NBEAL1: variants seen among roughly 807,000 people sequenced by gnomAD.
NBEAL1 encodes neurobeachin-like protein 1.
Under a neutral mutation model 351.3 loss-of-function variants are expected in NBEAL1, and 273 were observed. The ratio of observed to expected loss-of-function variants is 0.78; its 90% confidence interval spans 0.70 to 0.86. The LOEUF is 0.86. NBEAL1 is among the 40% of genes least tolerant of loss of function. The pLI is 0.00. For missense variants in NBEAL1, 2,961 were observed against 3,201.3 expected (o/e 0.92, Z 1.81); for synonymous variants, 1,050 against 1,086.4 (o/e 0.97, Z 0.66).
intron 2 of NBEAL1, among the ~76,000 whole-genome samples, chr2:203,039,609 G>C (rs1312753971): frequency 2.0e-5 from 3 of 152,086 alleles, no homozygotes; most frequent in Non-Finnish European, 4.4e-5. Flanking sequence ...GGCCAGGCTC[G>C]TCTCAAACCC....
At chr2:203,073,034 GC>G (rs1312185654) in intron 7 of NBEAL1, among the ~76,000 whole-genome samples, 1 of 152,114 alleles carries the variant, frequency 6.6e-6, no homozygotes, top group Non-Finnish European at 1.5e-5. Flanking sequence ...ACATTCACCA[GC>G]AGATCTGGAC....
chr2:203,049,696 C>A, intron 3 of NBEAL1, 118 bp from the exon 4 acceptor site: 1 of 820,846 alleles, frequency 1.2e-6, no homozygotes, highest in South Asian at 2.0e-5. Context: ...CACAGAGTAT[C>A]TGGAATAAAT....
rs1260236833 is a variant in NBEAL1, at chr2:203,122,284, T to C, written c.2623T>C (p.Ser875Pro). Reference sequence around the variant, plus strand: ...CAAAAATTCAATCTGTCTTGATTTATCTACTAATTGTTTGCATGGAAGATT... The same window carrying C: ...CAAAAATTCAATCTGTCTTGATTTACCTACTAATTGTTTGCATGGAAGATT... ...ACKNSICLDL[S>P]TNCLHGRLTG... The change falls in exon 19 of 56, where the codon TCT (serine) becomes CCT (proline). Residue 875 changes from serine to proline, a missense_variant. By Grantham distance (74) the Ser-to-Pro change is moderately conservative. Transcript: ENST00000683969. The C allele has an allele frequency of 6.5e-7, 1 of 1,544,328 alleles. No homozygotes were observed. The highest frequency in any genetic ancestry group is 2.0e-5 in the Admixed American group (1 of 49,162).
At chr2:203,065,437 A>C (rs1197460026) in intron 6 of NBEAL1, among the ~76,000 whole-genome samples, 2 of 152,132 alleles carry the variant, frequency 1.3e-5, no homozygotes, top group Non-Finnish European at 2.9e-5. Flanking sequence ...ATTATGTCCT[A>C]GGTATGATGT....
intron 42 of NBEAL1, among the ~76,000 whole-genome samples, chr2:203,178,702 CAGAT>C: frequency 1.3e-5 from 2 of 152,192 alleles, no homozygotes; most frequent in Admixed American, 1.3e-4. Flanking sequence ...CCAAAATACA[CAGAT>C]AGTCAGAATA....
rs1051974882 is a variant in NBEAL1 at position 203,217,922 on chromosome 2, G to A, written c.*568G>A. 2.2e-5 allele frequency: 21 copies of A among 969,702 alleles called. No homozygotes were observed. In the South Asian group the frequency reaches 2.4e-4, roughly 11 times the overall value. 60.1% of individuals were successfully genotyped at this position (969,702 alleles called of 1,614,324 possible). A position where few individuals can be genotyped will look rare whatever the true frequency, so the allele number is the denominator to read the frequency against. On this transcript the variant is annotated 3_prime_UTR_variant, in exon 56 of 56. Transcript: ENST00000683969. ...TTAGCTAATTCTATTACTACTTAGC[G>A]TGTTTCTAATGAGAAGTTACTGAAA...
At chr2:203,206,694 T>G (rs1209877022) in intron 51 of NBEAL1, among the ~76,000 whole-genome samples, 2 of 152,046 alleles carry the variant, frequency 1.3e-5, no homozygotes, top group African/African-American at 4.8e-5. Flanking sequence ...GTGCCGGGAT[T>G]GCAGACGGAG....
intron 35 of NBEAL1, among the ~76,000 whole-genome samples, chr2:203,154,547 G>A (rs796072623): frequency 6.6e-6 from 1 of 152,042 alleles, no homozygotes; most frequent in Non-Finnish European, 1.5e-5. Context: ...CATTGCAGAT[G>A]TATAGAATAG....
At chr2:203,051,916 T>C (rs1212770464) in intron 4 of NBEAL1, among the ~76,000 whole-genome samples, 3 of 152,180 alleles carry the variant, frequency 2.0e-5, no homozygotes, top group African/African-American at 7.2e-5. Context: ...TTTATATAAA[T>C]CTAGAATTCC....
intron 4 of NBEAL1, among the ~76,000 whole-genome samples, chr2:203,053,852 C>T (rs932708792): frequency 3.3e-5 from 5 of 151,990 alleles, no homozygotes; most frequent in Non-Finnish European, 5.9e-5. Context: ...TGATAGTCTG[C>T]GACTTGCCTT....
chr2:203,193,637 G>A (rs982034618), intron 46 of NBEAL1, among the ~76,000 whole-genome samples, 158 bp from the exon 47 acceptor site: 2 of 152,162 alleles, frequency 1.3e-5, no homozygotes, highest in African/African-American at 4.8e-5. Flanking sequence ...GAAAAAAGTA[G>A]TATCTCTGCT....
intron 24 of NBEAL1, among the ~76,000 whole-genome samples, chr2:203,129,476 C>G (rs2063023270): frequency 6.6e-6 from 1 of 152,140 alleles, no homozygotes; most frequent in South Asian, 2.1e-4. Context: ...TCAAAAGCTT[C>G]TCATTATTCC....
At chr2:203,151,679 T>G in intron 35 of NBEAL1, 90 bp downstream of exon 35, 1 of 1,254,090 alleles carries the variant, frequency 8.0e-7, no homozygotes, top group South Asian at 2.1e-5. Context: ...TTAAATGTGT[T>G]TACTTATGAA....
intron 6 of NBEAL1, among the ~76,000 whole-genome samples, chr2:203,065,537 G>T (rs948657536): frequency 6.6e-6 from 1 of 152,150 alleles, no homozygotes; most frequent in Non-Finnish European, 1.5e-5. Flanking sequence ...TGGATCACAA[G>T]GTCAGGAGAT....
chr2:203,099,733 C>CA, intron 12 of NBEAL1, 21 bp downstream of exon 12: 1 of 1,208,564 alleles, frequency 8.3e-7, no homozygotes, highest in Non-Finnish European at 1.1e-6. Flanking sequence ...TATCCTCCAG[C>CA]TTTTTTTTTT....
At chr2:203,025,950 T>C (rs960742516) in intron 2 of NBEAL1, among the ~76,000 whole-genome samples, 2 of 152,188 alleles carry the variant, frequency 1.3e-5, no homozygotes, top group Non-Finnish European at 2.9e-5. Flanking sequence ...CACTTTGTTG[T>C]GACTGAGCAG....
chr2:203,205,665 G>A (rs2065531803), intron 51 of NBEAL1, among the ~76,000 whole-genome samples: 1 of 152,036 alleles, frequency 6.6e-6, no homozygotes, highest in African/African-American at 2.4e-5. Flanking sequence ...TATCTTATTA[G>A]CTAGTACTTT....
chr2:203,168,704 C>A (rs2064217812), intron 38 of NBEAL1, among the ~76,000 whole-genome samples: 4 of 151,752 alleles, frequency 2.6e-5, no homozygotes, highest in African/African-American at 7.3e-5. Flanking sequence ...GACCAGCCTG[C>A]CCAACATGGT....
At chr2:203,026,506 AT>A (rs199701939) in intron 2 of NBEAL1, among the ~76,000 whole-genome samples, 284 of 143,090 alleles carry the variant, frequency 2.0e-3, no homozygotes, top group Admixed American at 2.0e-3. Flanking sequence ...GCCATTTTAA[AT>A]TTTTTTTTTT....
Sources: gnomAD v4.1 joint callset for allele counts (sites outside exome capture counted in the v4.1 genomes callset) on GRCh38, gnomAD v4.1.1 for gene constraint, MANE v1.5 for transcripts, NCBI Gene and HGNC (gene_info 2026-07-23, HGNC 2026-07-21) for gene names.